GPHN: variants seen among roughly 807,000 people sequenced by gnomAD.
The protein encoded by GPHN is gephyrin.
Under a neutral mutation model 95.5 loss-of-function variants are expected in GPHN, and 17 were observed. That is an observed-to-expected ratio of 0.18 (90% CI 0.12 to 0.27). GPHN has a LOEUF of 0.27. GPHN is among the 10% of genes least tolerant of loss of function. The pLI is 1.00. For synonymous variants in GPHN, 320 were observed against 322.5 expected (o/e 0.99, Z 0.08); for missense variants, 660 against 978.1 (o/e 0.67, Z 4.34).
At chr14:67,332,963 C>T in the GPHN span, 3 of 1,597,436 alleles carry the variant, frequency 1.9e-6, no homozygotes, top group East Asian at 2.3e-5. Context: ...GTGAAAGAAA[C>T]ATCCATTCTG....
At chr14:66,925,939 C>T (rs778001722) in intron 8 of GPHN, among the ~76,000 whole-genome samples, 22 of 152,070 alleles carry the variant, frequency 1.4e-4, no homozygotes, top group Admixed American at 5.9e-4. Flanking sequence ...GGATAAAAGC[C>T]GTATTAACTG....
At chr14:67,694,068 GGTT>G in the GPHN span, among the ~76,000 whole-genome samples, 2 of 152,136 alleles carry the variant, frequency 1.3e-5, no homozygotes, top group African/African-American at 4.8e-5. Context: ...TTGGGACTCT[GGTT>G]AAAACAATCT....
chr14:67,108,703 T>C (rs1003452219), intron 13 of GPHN, among the ~76,000 whole-genome samples: 1 of 142,000 alleles, frequency 7.0e-6, no homozygotes, highest in African/African-American at 2.6e-5. Flanking sequence ...TCTTAACCAT[T>C]CCCTAAGGGG....
intron 9 of GPHN, among the ~76,000 whole-genome samples, chr14:66,975,220 T>G (rs1322893273): frequency 6.6e-6 from 1 of 152,222 alleles, no homozygotes; most frequent in Non-Finnish European, 1.5e-5. Context: ...TTGTTGTGTC[T>G]TATTTTCTAG....
intron 1 of GPHN, among the ~76,000 whole-genome samples, chr14:66,662,306 C>T (rs1172584258): frequency 6.6e-6 from 1 of 152,150 alleles, no homozygotes; most frequent in Non-Finnish European, 1.5e-5. Flanking sequence ...GACAGAGCTC[C>T]CAGAGGAAGG....
At chr14:66,857,333 A>G (rs1398179984) in intron 4 of GPHN, among the ~76,000 whole-genome samples, 1 of 152,172 alleles carries the variant, frequency 6.6e-6, no homozygotes, top group African/African-American at 2.4e-5. Flanking sequence ...CAGAAATCCT[A>G]ACGGTATAGT....
the GPHN span, chr14:67,572,197 C>A: frequency 1.2e-6 from 2 of 1,609,100 alleles, no homozygotes; most frequent in South Asian, 2.2e-5. Flanking sequence ...CGCCTGCTCA[C>A]TGGACAGTGA....
intron 9 of GPHN, among the ~76,000 whole-genome samples, chr14:66,993,184 C>G (rs1010279640): frequency 6.6e-6 from 1 of 151,978 alleles, no homozygotes; most frequent in Non-Finnish European, 1.5e-5. Flanking sequence ...AATTGTCTAC[C>G]TTTACATTTT....
At chr14:66,734,881 A>T (rs1278629591) in intron 2 of GPHN, among the ~76,000 whole-genome samples, 1 of 152,218 alleles carries the variant, frequency 6.6e-6, no homozygotes, top group Non-Finnish European at 1.5e-5. Flanking sequence ...ATACACACTT[A>T]TAAAGTCTAA....
chr14:66,942,740 A>C (rs2067501552), intron 8 of GPHN, among the ~76,000 whole-genome samples: 1 of 152,210 alleles, frequency 6.6e-6, no homozygotes, highest in South Asian at 2.1e-4. Context: ...ATGTAACTAA[A>C]TATGCCAAAT....
intron 11 of GPHN, among the ~76,000 whole-genome samples, chr14:67,060,182 T>C (rs2075769099): frequency 6.6e-6 from 1 of 151,174 alleles, no homozygotes; most frequent in African/African-American, 2.4e-5. Flanking sequence ...CCAGGTCACA[T>C]TTAAAGAGAC....
At chr14:67,212,742 TAA>T in the GPHN span, among the ~76,000 whole-genome samples, 1 of 151,096 alleles carries the variant, frequency 6.6e-6, no homozygotes, top group African/African-American at 2.4e-5. Flanking sequence ...CTGGTTTTTC[TAA>T]AAAGTCTTCT....
At position 67,096,616 on chromosome 14, in the gene GPHN, CTT is replaced by C. The variant is rs200466980; in HGVS notation, c.1238-4224_1238-4223del. On this transcript the variant is annotated intron_variant, in intron 12 of 22. Transcript: ENST00000478722. ...GTTATACAGAATTAATCAAAGCAGT[CTT>C]TTTTTTTTTTTTTTTGAGACAGGAT... Among the ~76,000 whole-genome samples the C allele has an allele frequency of 3.2e-4, 43 of 134,596 alleles. 1 individual carries two copies. Among genetic ancestry groups the C allele is most frequent in the Middle Eastern group, 3.9e-3 (1 of 254 alleles). The allele number at this position is 134,596 out of a possible 152,430, so 88.3% of individuals were successfully genotyped here. A position where few individuals can be genotyped will look rare whatever the true frequency, so the allele number is the denominator to read the frequency against.
the GPHN span, among the ~76,000 whole-genome samples, chr14:67,306,327 T>C: frequency 6.6e-6 from 1 of 151,928 alleles, no homozygotes; most frequent in African/African-American, 2.4e-5. Context: ...AGTATTTTTC[T>C]TTTCCTTCTT....
intron 9 of GPHN, among the ~76,000 whole-genome samples, chr14:67,017,259 G>A (rs1316374165): frequency 3.3e-5 from 5 of 152,122 alleles, no homozygotes; most frequent in Non-Finnish European, 7.4e-5. Context: ...AGTGATGCAT[G>A]AATGGAACCA....
chr14:66,673,049 T>C (rs912638876), intron 1 of GPHN, among the ~76,000 whole-genome samples: 2 of 152,168 alleles, frequency 1.3e-5, no homozygotes, highest in African/African-American at 4.8e-5. Flanking sequence ...TTTGAATTTC[T>C]CTTTTGTCAT....
At chr14:67,208,118 G>A in the GPHN span, 5 of 1,548,172 alleles carry the variant, frequency 3.2e-6, no homozygotes, top group South Asian at 2.5e-5. Flanking sequence ...ATGAAATGGT[G>A]CCTGTATTCG....
chr14:67,642,707 C>T, the GPHN span, among the ~76,000 whole-genome samples: 50 of 150,292 alleles, frequency 3.3e-4, 1 homozygote, highest in African/African-American at 1.2e-3. Context: ...TAGAAAGATC[C>T]ATTGATAGGC....
chr14:66,786,087 G>A (rs911642540), intron 3 of GPHN, among the ~76,000 whole-genome samples: 2 of 142,510 alleles, frequency 1.4e-5, no homozygotes, highest in African/African-American at 4.9e-5. Flanking sequence ...GAAAACAATA[G>A]TCAGTAAAAT....
Sources: allele counts gnomAD v4.1 joint callset (sites outside exome capture counted in the v4.1 genomes callset), GRCh38; gene constraint gnomAD v4.1.1; transcripts MANE v1.5; gene names NCBI Gene and HGNC (gene_info 2026-07-23, HGNC 2026-07-21).